Variants in FGGY observed in about 807,000 individuals in gnomAD.
FGGY encodes the protein FGGY carbohydrate kinase domain containing.
Under a neutral mutation model 71.3 loss-of-function variants are expected in FGGY, and 72 were observed. The ratio of observed to expected loss-of-function variants is 1.01; its 90% confidence interval spans 0.84 to 1.23. FGGY has a LOEUF of 1.23. Ranked by LOEUF, FGGY falls within the 50% of genes most tolerant of loss-of-function variation. The pLI is 0.00. For synonymous variants in FGGY, 251 were observed against 250.3 expected, an observed-to-expected ratio of 1.00 and a Z score of -0.02; for missense variants, 668 against 682.3, an observed-to-expected ratio of 0.98 and a Z score of 0.23.
At chr1:59,331,267 A>G (rs2048417536) in intron 2 of FGGY, among the ~76,000 whole-genome samples, 1 of 152,170 alleles carries the variant, frequency 6.6e-6, no homozygotes, top group African/African-American at 2.4e-5. Flanking sequence ...TTATTTCATC[A>G]TCTTATCATC....
intron 5 of FGGY, among the ~76,000 whole-genome samples, chr1:59,385,191 T>C (rs1224392057): frequency 6.6e-6 from 1 of 152,138 alleles, no homozygotes; most frequent in East Asian, 1.9e-4. Flanking sequence ...AGGTTTTGTT[T>C]TTGTTTTTTT....
At chr1:59,438,632 C>G (rs1213256418) in intron 5 of FGGY, among the ~76,000 whole-genome samples, 1 of 152,138 alleles carries the variant, frequency 6.6e-6, no homozygotes, top group Non-Finnish European at 1.5e-5. Context: ...CCCCGGGAAA[C>G]CAAAAGTTTT....
chr1:59,734,962 T>A (rs1454759047), intron 14 of FGGY, among the ~76,000 whole-genome samples: 2 of 152,230 alleles, frequency 1.3e-5, no homozygotes, highest in East Asian at 3.9e-4. Context: ...GTTTGGTTTC[T>A]GCAAATAAAC....
intron 4 of FGGY, among the ~76,000 whole-genome samples, chr1:59,360,127 G>GTTATTA (rs200166794): frequency 0.025 from 3,578 of 145,688 alleles, 147 homozygotes; most frequent in African/African-American, 0.084. Flanking sequence ...TTCTATCATT[G>GTTATTA]TTATTATTAT....
intron 6 of FGGY, among the ~76,000 whole-genome samples, chr1:59,468,052 C>G (rs188179564): frequency 7.2e-5 from 11 of 152,064 alleles, no homozygotes; most frequent in Admixed American, 4.6e-4. Flanking sequence ...TACAGGCATG[C>G]GCCACCATAC....
At chr1:59,461,924 CATT>C in intron 6 of FGGY, among the ~76,000 whole-genome samples, 1 of 151,986 alleles carries the variant, frequency 6.6e-6, no homozygotes, top group East Asian at 1.9e-4. Flanking sequence ...GTGCTGCACC[CATT>C]AACTCCTCAT....
At chr1:59,731,058 C>G (rs1015682365) in intron 14 of FGGY, among the ~76,000 whole-genome samples, 2 of 152,226 alleles carry the variant, frequency 1.3e-5, no homozygotes, top group Non-Finnish European at 2.9e-5. Flanking sequence ...GGTCCATTTT[C>G]TCCCTGCTAC....
chr1:59,445,156 A>G (rs1361719699), intron 5 of FGGY, among the ~76,000 whole-genome samples: 1 of 152,150 alleles, frequency 6.6e-6, no homozygotes, highest in East Asian at 1.9e-4. Context: ...AAGAGGGAGG[A>G]GGGAAATAAA....
chr1:59,433,167 C>T (rs911775866), intron 5 of FGGY, among the ~76,000 whole-genome samples: 3 of 152,142 alleles, frequency 2.0e-5, no homozygotes, highest in African/African-American at 7.2e-5. Flanking sequence ...GGGGCTGTCC[C>T]ATTGTGCATG....
At chr1:59,424,070 T>C (rs1005431998) in intron 5 of FGGY, among the ~76,000 whole-genome samples, 7 of 152,178 alleles carry the variant, frequency 4.6e-5, no homozygotes, top group Admixed American at 1.3e-4. Flanking sequence ...CTTGAGTGAA[T>C]AGGCAAATAA....
At chr1:59,736,312 C>G (rs1289599094) in intron 14 of FGGY, among the ~76,000 whole-genome samples, 1 of 152,076 alleles carries the variant, frequency 6.6e-6, no homozygotes, top group African/African-American at 2.4e-5. Context: ...GAGTGGGGCA[C>G]TGCTGAAACG....
chr1:59,352,904 A>G (rs1289623171), intron 4 of FGGY, among the ~76,000 whole-genome samples: 3 of 152,218 alleles, frequency 2.0e-5, no homozygotes. Flanking sequence ...TTTCCTTGAA[A>G]TGCCATCATT....
chr1:59,727,589 A>T, intron 14 of FGGY, among the ~76,000 whole-genome samples: 1 of 152,202 alleles, frequency 6.6e-6, no homozygotes. Flanking sequence ...TTTCATGCTC[A>T]TGGATCAGAG....
chr1:59,497,898 C>T (rs541628253), intron 6 of FGGY, among the ~76,000 whole-genome samples: 29 of 138,936 alleles, frequency 2.1e-4, no homozygotes, highest in South Asian at 1.8e-3. Flanking sequence ...TTTTTCCGTA[C>T]GCAGTCTTCC....
At chr1:59,513,107 C>CA (rs2094557154) in intron 7 of FGGY, among the ~76,000 whole-genome samples, 1 of 152,172 alleles carries the variant, frequency 6.6e-6, no homozygotes, top group African/African-American at 2.4e-5. Flanking sequence ...GTGTTTTTTG[C>CA]AGGGGAAGTT....
intron 7 of FGGY, among the ~76,000 whole-genome samples, chr1:59,539,817 C>T (rs557361780): frequency 6.6e-6 from 1 of 151,944 alleles, no homozygotes; most frequent in Non-Finnish European, 1.5e-5. Context: ...ATGCAAGCCA[C>T]AAAGTGGAAG....
chr1:59,696,401 T>C (rs374570986), intron 14 of FGGY, among the ~76,000 whole-genome samples: 7 of 152,336 alleles, frequency 4.6e-5, no homozygotes, highest in East Asian at 1.9e-4. Flanking sequence ...GACTAATCAA[T>C]ACTATAGGTA....
chr1:59,355,019 G>T (rs373606237), intron 4 of FGGY, among the ~76,000 whole-genome samples: 3 of 152,246 alleles, frequency 2.0e-5, no homozygotes, highest in Non-Finnish European at 4.4e-5. Context: ...AGGGGGTTTG[G>T]CGAAGTGGGC....
chr1:59,585,250 C>A (rs996663243), intron 8 of FGGY, among the ~76,000 whole-genome samples: 1 of 152,260 alleles, frequency 6.6e-6, no homozygotes, highest in Non-Finnish European at 1.5e-5. Flanking sequence ...AGAGGCATCA[C>A]GCTACCTGAC....
Sources: gnomAD v4.1 joint callset for allele counts (sites outside exome capture counted in the v4.1 genomes callset) on GRCh38, gnomAD v4.1.1 for gene constraint, MANE v1.5 for transcripts, NCBI Gene and HGNC (gene_info 2026-07-23, HGNC 2026-07-21) for gene names.